Variants in RPP30 observed in about 807,000 individuals in gnomAD.
The protein encoded by RPP30 is ribonuclease P protein subunit p30.
A neutral mutation model predicts 38.6 loss-of-function variants in RPP30; 36 were observed. The ratio of observed to expected loss-of-function variants is 0.93; its 90% CI spans 0.71 to 1.23. RPP30 has a LOEUF of 1.23. RPP30 is among the 50% of genes most tolerant of loss of function. RPP30 has a pLI of 0.00. For missense variants in RPP30, 321 were observed against 321.7 expected, an observed-to-expected ratio of 1.00 and a Z score of 0.02; for synonymous variants, 126 against 112.7, an observed-to-expected ratio of 1.12 and a Z score of -0.75.
chr10:90,893,710 T>G (rs975760660), intron 6 of RPP30, among the ~76,000 whole-genome samples: 3 of 152,208 alleles, frequency 2.0e-5, no homozygotes, highest in African/African-American at 7.2e-5. Context: ...CTTCCTCTAC[T>G]ATTTAACTGC....
downstream of RPP30, among the ~76,000 whole-genome samples, chr10:90,904,481 G>A (rs1443252291): frequency 6.6e-6 from 1 of 152,138 alleles, no homozygotes; most frequent in Non-Finnish European, 1.5e-5. Context: ...GTTAGTATTT[G>A]TGGAAGGCTT....
At chr10:90,872,121 G>T (rs750183683) in intron 1 of RPP30, 53 bp downstream of exon 1, 1 of 1,441,996 alleles carries the variant, frequency 6.9e-7, no homozygotes, top group Non-Finnish European at 9.8e-7. Context: ...CAGACCATCG[G>T]GCCACACTCC....
chr10:90,896,410 G>C lies in RPP30; in HGVS notation c.697+18G>C. On this transcript the variant is annotated intron_variant, in intron 10 of 10. Coordinates refer to ENST00000371703, the MANE Select transcript of RPP30 (RefSeq NM_006413.5). ...CCATGGAGGTAAGCAAGTTCTTCCA[G>C]TACAAACTGAATGGTCATGTTAAAA... The C allele has an allele frequency of 6.3e-7, 1 of 1,599,740 alleles. No homozygotes were observed. The highest frequency in any genetic ancestry group is 8.6e-7 in the Non-Finnish European group (1 of 1,166,932).
Position 90,896,359 on chromosome 10 carries a change from T to TC in RPP30, c.666dup (p.Thr223HisfsTer13). 1 of 1,614,130 alleles carries TC rather than the reference T, an allele frequency of 6.2e-7. No homozygotes were observed. The highest frequency in any genetic ancestry group is 2.2e-5 in the East Asian group (1 of 44,884). Reference sequence around the variant, plus strand: ...TGAAAGTGACGCCAAGGCTGCGGTGTCCACCAACTGCCGAGCAGCGCTTCT... The same window carrying TC: ...TGAAAGTGACGCCAAGGCTGCGGTGTCCCACCAACTGCCGAGCAGCGCTTCT... On this transcript the variant is annotated frameshift_variant, in exon 10 of 11. Coordinates refer to ENST00000371703, the MANE Select transcript of RPP30 (RefSeq NM_006413.5). LOFTEE classifies it high-confidence loss of function.
intron 6 of RPP30, among the ~76,000 whole-genome samples, chr10:90,894,133 A>G (rs554688254): frequency 6.6e-6 from 1 of 152,298 alleles, no homozygotes; most frequent in South Asian, 2.1e-4. Flanking sequence ...CTTTATTACT[A>G]AAGAAAAAGG....
At chr10:90,897,914 A>T (rs1564715665) in intron 10 of RPP30, among the ~76,000 whole-genome samples, 1 of 152,220 alleles carries the variant, frequency 6.6e-6, no homozygotes, top group Non-Finnish European at 1.5e-5. Context: ...CCCCTCAAGC[A>T]TATGTCTTGT....
At chr10:90,894,010 A>ACT (rs1265495539) in intron 6 of RPP30, among the ~76,000 whole-genome samples, 1 of 152,224 alleles carries the variant, frequency 6.6e-6, no homozygotes, top group African/African-American at 2.4e-5. Context: ...TAAATAAAGA[A>ACT]GTTTCTGTTT....
At chr10:90,878,645 C>A (rs1846883544) in intron 4 of RPP30, among the ~76,000 whole-genome samples, 1 of 152,048 alleles carries the variant, frequency 6.6e-6, no homozygotes, top group Non-Finnish European at 1.5e-5. Context: ...GTGTGTACCA[C>A]CACACCCAGC....
In RPP30 at chr10:90,900,740, A is replaced by G; in HGVS notation, c.*61A>G. The G allele has an allele frequency of 6.4e-7, 1 of 1,551,576 alleles. No individual in the cohort carries two copies. Among genetic ancestry groups the G allele is most frequent in the South Asian group, 1.3e-5 (1 of 78,352 alleles). The stretch of plus-strand genomic sequence containing the variant: ...TCCCTTTTATAGTTCATCAGCCACA[A>G]CAAAAATAAAACCTTTGTGTGATTT... On this transcript the variant is annotated 3_prime_UTR_variant, in exon 11 of 11. Transcript: ENST00000371703.
chr10:90,885,774 T>A (rs1846992358), intron 5 of RPP30, 38 bp from the exon 6 acceptor site: 3 of 1,373,580 alleles, frequency 2.2e-6, no homozygotes, highest in African/African-American at 2.8e-5. Flanking sequence ...TTGTGCCAAT[T>A]TTCCTTTTGG....
At chr10:90,874,192 A>G (rs1045300793) in intron 1 of RPP30, among the ~76,000 whole-genome samples, 19 of 152,204 alleles carry the variant, frequency 1.2e-4, no homozygotes, top group African/African-American at 4.6e-4. Flanking sequence ...TAAAGATGGG[A>G]GTCATGATTT....
intron 5 of RPP30, chr10:90,880,132 C>T (rs1022617008): frequency 6.6e-6 from 1 of 151,446 alleles, no homozygotes; most frequent in African/African-American, 2.4e-5. Flanking sequence ...ATTAAGATAA[C>T]TGACTGTGAA....
At chr10:90,881,996 A>G (rs925602329) in intron 5 of RPP30, among the ~76,000 whole-genome samples, 1 of 152,184 alleles carries the variant, frequency 6.6e-6, no homozygotes, top group African/African-American at 2.4e-5. Flanking sequence ...AAGATGTCTC[A>G]TAGAAACTCC....
At chr10:90,880,406 TTTG>T (rs1339475814) in intron 5 of RPP30, among the ~76,000 whole-genome samples, 2 of 152,118 alleles carry the variant, frequency 1.3e-5, no homozygotes, top group African/African-American at 2.4e-5. Context: ...GCCTACTCTT[TTTG>T]TTGTTGTTGT....
At chr10:90,885,945 A>T (rs756979025) in intron 6 of RPP30, 44 bp downstream of exon 6, 1 of 1,230,058 alleles carries the variant, frequency 8.1e-7, no homozygotes, top group South Asian at 1.3e-5. Flanking sequence ...AGAAACTTAC[A>T]TTAGCAAATT....
downstream of RPP30, chr10:90,908,152 A>G (rs1847273511): frequency 6.6e-6 from 1 of 152,066 alleles, no homozygotes; most frequent in African/African-American, 2.4e-5. Context: ...ATCAATAGAA[A>G]TTTTTCAGCT....
At chr10:90,902,305 C>A (rs2120242463), downstream of RPP30, 1 of 400,760 alleles carries the variant, frequency 2.5e-6, no homozygotes, top group Non-Finnish European at 4.7e-6. Flanking sequence ...GCAACCTTTG[C>A]CTCTTGGGCT....
downstream of RPP30, chr10:90,902,245 TCTCA>T: frequency 1.6e-6 from 1 of 606,134 alleles, no homozygotes; most frequent in Non-Finnish European, 2.2e-6. Flanking sequence ...TGAGACAGGG[TCTCA>T]CTCTGTCACC....
At position 90,894,857 on chromosome 10, in the gene RPP30, G is replaced by T; in HGVS notation, c.515G>T (p.Ser172Ile). 6.2e-7 allele frequency: 1 copy of T among 1,612,942 alleles called. No individual in the cohort carries two copies. The highest frequency in any genetic ancestry group is 8.5e-7 in the Non-Finnish European group (1 of 1,179,014). The stretch of plus-strand genomic sequence containing the variant: ...ACAATGAGAAGGTATACAATTTCCA[G>T]TGCCCTCAATTTGATGCAAATCTGC... ...DSTMRRYTIS[S>I]ALNLMQICKG... Residue 172 changes from serine to isoleucine, a missense_variant, in exon 7 of 11, where the codon AGT becomes ATT. Coordinates refer to ENST00000371703, the MANE Select transcript of RPP30 (RefSeq NM_006413.5).
Sources: gnomAD v4.1 joint callset for allele counts (sites outside exome capture counted in the v4.1 genomes callset) on GRCh38, gnomAD v4.1.1 for gene constraint, MANE v1.5 for transcripts, NCBI Gene and HGNC (gene_info 2026-07-23, HGNC 2026-07-21) for gene names.